The following ARHGEF40 variants were observed in gnomAD, a reference collection of about 807,000 sequenced individuals.
The protein encoded by ARHGEF40 is Rho guanine nucleotide exchange factor (GEF) 40.
Under a neutral mutation model 165.9 loss-of-function variants are expected in ARHGEF40, and 98 were observed. That is an observed-to-expected ratio of 0.59 (90% CI 0.50 to 0.70). ARHGEF40 has a LOEUF of 0.70. ARHGEF40 is among the 30% of genes least tolerant of loss of function. The pLI is 0.00. For missense variants in ARHGEF40, 1,815 were observed against 1,968.0 expected, an observed-to-expected ratio of 0.92 and a Z score of 1.47; for synonymous variants, 792 against 814.3, an observed-to-expected ratio of 0.97 and a Z score of 0.47.
rs1242941365 is a variant in ARHGEF40 at position 21,081,763 on chromosome 14, C to CCGA, written c.2901_2903dup (p.Arg969dup). On this transcript the variant is annotated inframe_insertion, in exon 14 of 24. Transcript: ENST00000298694. ...GAGAGGAGGCGAGCCCACGGGGCTACCGACGACGGCGGGCAGACGGTGCCA... is the reference window on the plus strand; with the variant it reads ...GAGAGGAGGCGAGCCCACGGGGCTACCGACGACGACGGCGGGCAGACGGTGCCA... 6.3e-7 allele frequency: 1 copy of CCGA among 1,588,638 alleles called. No individual in the cohort carries two copies. The highest frequency in any genetic ancestry group is 1.3e-5 in the African/African-American group (1 of 74,360).
Position 21,073,191 on chromosome 14 carries a change from C to T in ARHGEF40, c.150C>T (p.Asp50=), listed in dbSNP as rs770320460. 63 of 1,613,878 alleles carry T rather than the reference C, an allele frequency of 3.9e-5. No individual in the cohort carries two copies. The highest frequency in any genetic ancestry group is 4.8e-5 in the Non-Finnish European group (57 of 1,179,990). ...YREDALRYTL[D]FLVPAKHLLA... Reference sequence around the variant, plus strand: ...AGGACGCACTGAGGTACACGCTGGACTTCCTGGTACCAGCCAAGCACCTGC... The same window carrying T: ...AGGACGCACTGAGGTACACGCTGGATTTCCTGGTACCAGCCAAGCACCTGC... Residue 50 remains aspartate, a synonymous_variant, in exon 2 of 24, where the codon GAC becomes GAT. Transcript: ENST00000298694. The surrounding 1 kb of genome is among the most constrained non-coding windows in gnomAD (Gnocchi z 4.6).
In ARHGEF40 at chr14:21,084,025, C is replaced by T. The variant is rs376203053; in HGVS notation, c.3764C>T (p.Ala1255Val). ...GAGGCCCGTGGCAGAGACCTGCTGGCCGTGGAGGCGGTGCGTGGCTGTGAG... is the reference window on the plus strand; with the variant it reads ...GAGGCCCGTGGCAGAGACCTGCTGGTCGTGGAGGCGGTGCGTGGCTGTGAG... ...EQEARGRDLL[A>V]VEAVRGCEID... The change falls in exon 17 of 24, where the codon GCC becomes GTC. Residue 1255 changes from alanine (A) to valine (V), a missense_variant. By Grantham distance (64) the Ala-to-Val change is moderately conservative (BLOSUM62 0). Coordinates refer to ENST00000298694, the MANE Select transcript of ARHGEF40 (RefSeq NM_018071.5). 2 of 1,610,508 alleles carry T rather than the reference C, an allele frequency of 1.2e-6. No homozygotes were observed. Among genetic ancestry groups the T allele is most frequent in the African/African-American group, 2.7e-5 (2 of 74,956 alleles).
At chr14:21,082,769 A>C in intron 15 of ARHGEF40, 62 bp from the exon 16 acceptor site, 3 of 1,516,718 alleles carry the variant, frequency 2.0e-6, no homozygotes, top group Non-Finnish European at 2.7e-6. Context: ...GAGAGGGGGA[A>C]GAGAGAGGCT....
chr14:21,084,167 C>G, intron 17 of ARHGEF40, 117 bp downstream of exon 17: 1 of 1,089,272 alleles, frequency 9.2e-7, no homozygotes, highest in Non-Finnish European at 1.3e-6. Flanking sequence ...GCTCTAATTT[C>G]TAACCAGCTG....
rs772859117 is a variant in ARHGEF40 at position 21,076,757 on chromosome 14, T to G, written c.1918-17T>G. ...CTTGGGTGCCCAGGAAGAAACCCCC[T>G]GCCTTACCCTCTACAGGGTGCTGAG... On this transcript the variant is annotated splice_polypyrimidine_tract_variant and intron_variant, in intron 7 of 23. Coordinates refer to ENST00000298694, the MANE Select transcript of ARHGEF40 (RefSeq NM_018071.5). The G allele has an allele frequency of 2.5e-6, 4 of 1,613,370 alleles. No homozygotes were observed. The African/African-American group carries it at 4.0e-5, about 16-fold the overall frequency.
At chr14:21,086,679 G>A (rs1888359292) in intron 19 of ARHGEF40, 2 of 274,032 alleles carry the variant, frequency 7.3e-6, no homozygotes, top group East Asian at 6.9e-5. Context: ...ATGTAAAAAT[G>A]TGAGGGTTTG....
In ARHGEF40 at chr14:21,070,448, C is replaced by G. The variant is rs1886635457; in HGVS notation, c.3+49C>G. The stretch of plus-strand genomic sequence containing the variant: ...TGGGTCCCCTCGGCCTTCGCGCAGC[C>G]CGCTCCGGGCCCCCAAGTCCTCAGC... On this transcript the variant is annotated intron_variant, in intron 1 of 23. Coordinates refer to ENST00000298694, the MANE Select transcript of ARHGEF40 (RefSeq NM_018071.5). This position sits in a 1 kb window ranked among gnomAD's most constrained non-coding sequence, Gnocchi z 4.7. 6 of 1,360,654 alleles carry G rather than the reference C, an allele frequency of 4.4e-6. No homozygotes were observed. Among genetic ancestry groups the G allele is most frequent in the Non-Finnish European group, 5.6e-6 (6 of 1,063,370 alleles). The allele number at this position is 1,360,654 out of a possible 1,614,324, so 84.3% of individuals were successfully genotyped here.
Position 21,075,855 on chromosome 14 carries a change from G to A in ARHGEF40, c.1739+90G>A. The A allele has an allele frequency of 1.4e-6, 2 of 1,476,354 alleles. No homozygotes were observed. Among genetic ancestry groups the A allele is most frequent in the Non-Finnish European group, 1.8e-6 (2 of 1,095,848 alleles). The allele number at this position is 1,476,354 out of a possible 1,614,324, so 91.5% of individuals were successfully genotyped here. The stretch of plus-strand genomic sequence containing the variant: ...CTTCTTCTCAGGACACTGACCTTCT[G>A]ACCTCTAAGGACACCTACTTCTTCA... On this transcript the variant is annotated intron_variant, in intron 5 of 23. Transcript: ENST00000298694. This position sits in a 1 kb window ranked among gnomAD's most constrained non-coding sequence, Gnocchi z 4.5.
rs1207058603 is a variant in ARHGEF40, at chr14:21,075,257, G to T, written c.1451-75G>T. On this transcript the variant is annotated intron_variant, in intron 3 of 23. Transcript: ENST00000298694. This position sits in a 1 kb window ranked among gnomAD's most constrained non-coding sequence, Gnocchi z 4.5. ...CCTATGGGAGGGGGCAGGAGGAGGA[G>T]CAGGGTTAGGCTGGGAGCAGAACAA... 1.9e-5 allele frequency: 31 copies of T among 1,592,286 alleles called. No homozygotes were observed. Among genetic ancestry groups the T allele is most frequent in the Non-Finnish European group, 2.6e-5 (30 of 1,169,662 alleles).
Position 21,089,083 on chromosome 14 carries a change from A to G in ARHGEF40, c.*75A>G, listed in dbSNP as rs898371780. On this transcript the variant is annotated 3_prime_UTR_variant, in exon 24 of 24. Coordinates refer to ENST00000298694, the MANE Select transcript of ARHGEF40 (RefSeq NM_018071.5). The stretch of plus-strand genomic sequence containing the variant: ...TGGGCTGGGATGGCAGTGGGGCATA[A>G]TGGAGCCCTGGGCGATCGCTGAATT... The G allele has an allele frequency of 7.6e-6, 4 of 529,604 alleles. No individual in the cohort carries two copies. The highest frequency in any genetic ancestry group is 1.3e-5 in the Non-Finnish European group (4 of 299,956). The allele number at this position is 529,604 out of a possible 1,614,324, so 32.8% of individuals were successfully genotyped here. A position where few individuals can be genotyped will look rare whatever the true frequency, so the allele number is the denominator to read the frequency against.
chr14:21,080,818 G>T (rs888139859), intron 12 of ARHGEF40, 36 bp downstream of exon 12: 1 of 1,603,300 alleles, frequency 6.2e-7, no homozygotes, highest in East Asian at 2.2e-5. Flanking sequence ...AGAGGAGGCA[G>T]GGGGAGACTA....
intron 16 of ARHGEF40, among the ~76,000 whole-genome samples, 179 bp downstream of exon 16, chr14:21,083,096 A>G (rs1888056449): frequency 6.6e-6 from 1 of 152,164 alleles, no homozygotes; most frequent in African/African-American, 2.4e-5. Context: ...GTTCTTATCC[A>G]GTCCACCTGA....
At chr14:21,088,515 C>CAAA (rs5807065) in intron 22 of ARHGEF40, among the ~76,000 whole-genome samples, 3 of 142,516 alleles carry the variant, frequency 2.1e-5, no homozygotes, top group Non-Finnish European at 4.6e-5. Flanking sequence ...TCCATCTCTA[C>CAAA]AAAAAAAAAA....
rs763458021 is a variant in ARHGEF40, at chr14:21,074,897, G to A, written c.1167G>A (p.Gly389=). Residue 389 remains glycine (G), a synonymous_variant, in exon 3 of 24, where the codon GGG becomes GGA. Coordinates refer to ENST00000298694, the MANE Select transcript of ARHGEF40 (RefSeq NM_018071.5). The surrounding 1 kb of genome is among the most constrained non-coding windows in gnomAD (Gnocchi z 4.8). The part of the protein sequence containing the change: ...NRRKKRAAGR[G]ALSRGGDSAP... The stretch of plus-strand genomic sequence containing the variant: ...GAAAGAAGCGAGCTGCAGGTCGAGG[G>A]GCTCTTAGCCGAGGAGGGGACAGTG... The A allele has an allele frequency of 3.7e-6, 6 of 1,610,142 alleles. 1 individual carries two copies. The South Asian group carries it at 5.5e-5, about 15-fold the overall frequency.
At position 21,087,128 on chromosome 14, in the gene ARHGEF40, G is replaced by A. The variant is rs370135859; in HGVS notation, c.4243+23G>A. 6.7e-5 allele frequency: 107 copies of A among 1,603,326 alleles called. No individual in the cohort carries two copies. The African/African-American group carries it at 1.2e-3, about 18-fold the overall frequency. ...GAGGTGAGGGCCAGGGTGCTGGGGG[G>A]TGGCCCCCAGGAGTGAAGACCTTGA... is the stretch of plus-strand genomic sequence containing the variant. On this transcript the variant is annotated intron_variant, in intron 20 of 23. Coordinates refer to ENST00000298694, the MANE Select transcript of ARHGEF40 (RefSeq NM_018071.5).
chr14:21,088,745 A>T, intron 22 of ARHGEF40, 85 bp from the exon 23 acceptor site: 1 of 1,402,522 alleles, frequency 7.1e-7, no homozygotes, highest in Non-Finnish European at 9.9e-7. Context: ...AGGTGAATTG[A>T]CAGGCTTGTG....
intron 14 of ARHGEF40, 49 bp downstream of exon 14, chr14:21,082,168 T>C (rs1323618735): frequency 6.4e-7 from 1 of 1,564,130 alleles, no homozygotes; most frequent in South Asian, 1.2e-5. Context: ...AACTGCCCAG[T>C]AGGAAAAGAA....
chr14:21,088,713 A>C, intron 22 of ARHGEF40, 117 bp from the exon 23 acceptor site: 1 of 1,112,238 alleles, frequency 9.0e-7, no homozygotes, highest in African/African-American at 1.6e-5. Context: ...AGCAAAATTC[A>C]AGGATTTTGG....
chr14:21,088,134 C>T, intron 22 of ARHGEF40, 36 bp downstream of exon 22: 2 of 1,575,886 alleles, frequency 1.3e-6, no homozygotes, highest in Non-Finnish European at 1.7e-6. Context: ...ACAATGTGAT[C>T]TCTTTGGCTG....
Sources: allele counts gnomAD v4.1 joint callset (sites outside exome capture counted in the v4.1 genomes callset), GRCh38; gene constraint gnomAD v4.1.1; non-coding constraint Gnocchi (gnomAD v3.1); transcripts MANE v1.5; gene names NCBI Gene and HGNC (gene_info 2026-07-23, HGNC 2026-07-21).